Variants in FUT8 observed in about 807,000 individuals in gnomAD.
The protein encoded by FUT8 is alpha-(1,6)-fucosyltransferase.
In FUT8, 29 loss-of-function variants were observed where a neutral mutation model predicts 71.3. That is an observed-to-expected ratio of 0.41 (90% confidence interval 0.30 to 0.55). The LOEUF (loss-of-function observed/expected upper bound fraction) is 0.55. Ranked by LOEUF, FUT8 falls within the 20% of genes least tolerant of loss-of-function variation. FUT8 has a pLI of 0.34. For missense variants in FUT8, 544 were observed against 702.1 expected, an observed-to-expected ratio of 0.77 and a Z score of 2.55; for synonymous variants, 254 against 239.3, an observed-to-expected ratio of 1.06 and a Z score of -0.57.
chr14:65,669,153 C>A lies in FUT8; in HGVS notation c.598-90C>A. The A allele has an allele frequency of 1.1e-6, 1 of 910,812 alleles. No individual in the cohort carries two copies. The highest frequency in any genetic ancestry group is 1.7e-6 in the Non-Finnish European group (1 of 596,924). 56.4% of individuals were successfully genotyped at this position (910,812 alleles called of 1,614,324 possible). A position where few individuals can be genotyped will look rare whatever the true frequency, so the allele number is the denominator to read the frequency against. On this transcript the variant is annotated intron_variant, in intron 6 of 10. Transcript: ENST00000673929. This position sits in a 1 kb window ranked among gnomAD's most constrained non-coding sequence, Gnocchi z 4.5. ...TCTATAGAACAAACCTGCATGTGTA[C>A]CCCTGAAGATGAAAGATTAAAAAAA... is the stretch of plus-strand genomic sequence containing the variant.
intron 7 of FUT8, among the ~76,000 whole-genome samples, chr14:65,675,139 A>G (rs1042064110): frequency 2.6e-5 from 4 of 152,222 alleles, no homozygotes; most frequent in Non-Finnish European, 4.4e-5. Context: ...ATAGAAGTCT[A>G]TGGTATCTCA....
intron 7 of FUT8, among the ~76,000 whole-genome samples, chr14:65,676,649 T>G (rs1253449418): frequency 6.6e-6 from 1 of 150,646 alleles, no homozygotes; most frequent in Non-Finnish European, 1.5e-5. Flanking sequence ...CTTCCTTTTG[T>G]AAGTATTTGG....
chr14:65,695,902 T>C (rs142722454), intron 7 of FUT8, among the ~76,000 whole-genome samples: 56 of 152,236 alleles, frequency 3.7e-4, no homozygotes, highest in African/African-American at 1.3e-3. Context: ...AGCATATCAG[T>C]TATAACTTCT....
chr14:65,411,255 T>C (rs2065120366), upstream of FUT8: 1 of 152,242 alleles, frequency 6.6e-6, no homozygotes, highest in Non-Finnish European at 1.5e-5. Context: ...TTCTGTGTGA[T>C]CTTGGACAAG....
intron 7 of FUT8, among the ~76,000 whole-genome samples, chr14:65,678,124 A>G (rs1328939577): frequency 1.3e-5 from 2 of 152,230 alleles, no homozygotes; most frequent in African/African-American, 4.8e-5. Context: ...AAATCACCAT[A>G]TGTTATTATT....
At chr14:65,453,620 C>G (rs1271113794) in intron 1 of FUT8, among the ~76,000 whole-genome samples, 1 of 152,042 alleles carries the variant, frequency 6.6e-6, no homozygotes, top group African/African-American at 2.4e-5. Context: ...TACCTATGGC[C>G]TAGAGTGTAA....
chr14:65,559,240 G>A (rs1594769035), intron 2 of FUT8, among the ~76,000 whole-genome samples: 1 of 151,994 alleles, frequency 6.6e-6, no homozygotes, highest in East Asian at 1.9e-4. Flanking sequence ...TGCAGTGAAG[G>A]GAAAGAAAAA....
At chr14:65,364,108 G>A in the FUT8 span, among the ~76,000 whole-genome samples, 1 of 152,130 alleles carries the variant, frequency 6.6e-6, no homozygotes, top group East Asian at 1.9e-4. Context: ...CTTTGCCTCA[G>A]TCTCCACACT....
intron 1 of FUT8, among the ~76,000 whole-genome samples, chr14:65,441,739 G>A (rs2065658759): frequency 1.9e-5 from 2 of 103,760 alleles, no homozygotes. Flanking sequence ...GTGACAGAGT[G>A]AGATTCCATC....
chr14:65,383,054 C>T, the FUT8 span, among the ~76,000 whole-genome samples: 2 of 152,048 alleles, frequency 1.3e-5, no homozygotes. Context: ...ATAGATTTTA[C>T]TGCAGACCCT....
At chr14:65,525,865 A>G (rs1421385419) in intron 2 of FUT8, among the ~76,000 whole-genome samples, 1 of 152,130 alleles carries the variant, frequency 6.6e-6, no homozygotes, top group Admixed American at 6.6e-5. Flanking sequence ...CATGTAGTTG[A>G]GCAGTTTTGA....
At chr14:65,487,732 G>T (rs1437938487) in intron 2 of FUT8, among the ~76,000 whole-genome samples, 1 of 152,022 alleles carries the variant, frequency 6.6e-6, no homozygotes, top group African/African-American at 2.4e-5. Context: ...ATTTTGGAAG[G>T]CGCTGTCTTT....
chr14:65,711,464 G>A (rs1422008374), intron 7 of FUT8, among the ~76,000 whole-genome samples: 1 of 152,106 alleles, frequency 6.6e-6, no homozygotes, highest in African/African-American at 2.4e-5. Context: ...TCATATATGA[G>A]ACTAGGGTTT....
intron 1 of FUT8, among the ~76,000 whole-genome samples, chr14:65,416,324 T>G (rs975670927): frequency 6.6e-6 from 1 of 152,116 alleles, no homozygotes; most frequent in African/African-American, 2.4e-5. Context: ...CCTTTTTTTT[T>G]TTTTCCCCCA....
the FUT8 span, among the ~76,000 whole-genome samples, chr14:65,370,459 C>T: frequency 2.6e-5 from 4 of 151,700 alleles, no homozygotes; most frequent in East Asian, 1.9e-4. Flanking sequence ...CTGCCTGCCT[C>T]GGCCTCCCAA....
chr14:65,704,530 A>G (rs951182097), intron 7 of FUT8, among the ~76,000 whole-genome samples: 1 of 151,622 alleles, frequency 6.6e-6, no homozygotes, highest in Non-Finnish European at 1.5e-5. Flanking sequence ...GTTAGGAGAA[A>G]GTACTAACTT....
Position 65,467,590 on chromosome 14 carries a change from C to T in FUT8, c.-228+11872C>T, listed in dbSNP as rs910582317. Among the ~76,000 whole-genome samples, 1 of 152,184 alleles carries T rather than the reference C, an allele frequency of 6.6e-6. No individual in the cohort carries two copies. The highest frequency in any genetic ancestry group is 2.4e-5 in the African/African-American group (1 of 41,432). On this transcript the variant is annotated intron_variant, in intron 2 of 10. Transcript: ENST00000673929. The surrounding 1 kb of genome is among the most constrained non-coding windows in gnomAD (Gnocchi z 4.1). ...CTCCTGGGTTCAAGCGATCCTCCTG[C>T]CTCAGCCTCCTGAGTAGCTGGAATT...
chr14:65,485,080 T>TG (rs1453058297), intron 2 of FUT8, among the ~76,000 whole-genome samples: 2 of 152,320 alleles, frequency 1.3e-5, no homozygotes, highest in South Asian at 2.1e-4. Context: ...CTCATGCCTG[T>TG]AATTCCAGCA....
intron 2 of FUT8, among the ~76,000 whole-genome samples, chr14:65,530,894 A>C (rs980697664): frequency 6.7e-6 from 1 of 149,694 alleles, no homozygotes; most frequent in African/African-American, 2.5e-5. Flanking sequence ...AACACCAAAA[A>C]CCTCATGACT....
Sources: gnomAD v4.1 joint callset for allele counts (sites outside exome capture counted in the v4.1 genomes callset) on GRCh38, gnomAD v4.1.1 for gene constraint, Gnocchi (gnomAD v3.1) non-coding constraint, MANE v1.5 for transcripts, NCBI Gene and HGNC (gene_info 2026-07-23, HGNC 2026-07-21) for gene names.